The following MYO3B variants were observed in gnomAD, a reference collection of about 807,000 sequenced individuals.
MYO3B encodes myosin-IIIb.
In MYO3B, 156 loss-of-function variants were observed where a neutral mutation model predicts 174.6. That is an observed-to-expected ratio of 0.89 (90% CI 0.78 to 1.02). The LOEUF is 1.02. Ranked by LOEUF, MYO3B falls within the 50% of genes least tolerant of loss-of-function variation. The pLI, the probability that MYO3B is intolerant of heterozygous loss-of-function variation, is 0.00. For missense variants in MYO3B, 1,632 were observed against 1,639.4 expected, an observed-to-expected ratio of 1.00 and a Z score of 0.08; for synonymous variants, 563 against 569.1, an observed-to-expected ratio of 0.99 and a Z score of 0.15.
intron 32 of MYO3B, among the ~76,000 whole-genome samples, chr2:170,634,000 A>T (rs1697250209): frequency 6.6e-6 from 1 of 152,250 alleles, no homozygotes; most frequent in East Asian, 1.9e-4. Context: ...TTCCATGCTC[A>T]TGGATAGGAA....
chr2:170,219,659 A>G (rs186954532), intron 6 of MYO3B, among the ~76,000 whole-genome samples: 21 of 151,896 alleles, frequency 1.4e-4, no homozygotes, highest in Admixed American at 7.2e-4. Context: ...AAAAAAAAAA[A>G]TCTGTTGAAT....
chr2:170,370,693 A>T (rs2094235961), intron 9 of MYO3B, among the ~76,000 whole-genome samples: 1 of 151,488 alleles, frequency 6.6e-6, no homozygotes, highest in Non-Finnish European at 1.5e-5. Flanking sequence ...CACCACCAAA[A>T]ATGAAGACGA....
chr2:170,213,642 C>A (rs566415107), intron 3 of MYO3B, among the ~76,000 whole-genome samples: 26 of 151,550 alleles, frequency 1.7e-4, no homozygotes, highest in African/African-American at 6.3e-4. Context: ...TGTCTCTCTT[C>A]TCTCAGTATA....
chr2:170,634,150 A>T (rs1425535757), intron 32 of MYO3B, among the ~76,000 whole-genome samples: 1 of 152,190 alleles, frequency 6.6e-6, no homozygotes, highest in Non-Finnish European at 1.5e-5. Flanking sequence ...AAAAGAGCCC[A>T]CATTGCCAAG....
At chr2:170,642,520 A>G (rs1237718579) in intron 32 of MYO3B, among the ~76,000 whole-genome samples, 1 of 152,186 alleles carries the variant, frequency 6.6e-6, no homozygotes, top group Non-Finnish European at 1.5e-5. Flanking sequence ...TTGTGTGTGT[A>G]TGTGTTTTAC....
rs1235341557 is a variant in MYO3B, at chr2:170,649,420, AATATATATAATATATTAC to A, written c.3734-2202_3734-2185del. Among the ~76,000 whole-genome samples, 15 of 82,032 alleles carry A rather than the reference AATATATATAATATATTAC, an allele frequency of 1.8e-4. No individual in the cohort carries two copies. In the East Asian group the frequency reaches 5.4e-3, roughly 29 times the overall value. The allele number at this position is 82,032 out of a possible 152,430, so 53.8% of individuals were successfully genotyped here. A position where few individuals can be genotyped will look rare whatever the true frequency, so the allele number is the denominator to read the frequency against. ...ATAAAATATAAAATATTACATATAA[AATATATATAATATATTAC>A]ATATAAAATATATAATATATAATAC... On this transcript the variant is annotated intron_variant, in intron 32 of 34. Transcript: ENST00000408978.
chr2:170,615,838 TA>T (rs1470528276), intron 32 of MYO3B, among the ~76,000 whole-genome samples: 10 of 152,118 alleles, frequency 6.6e-5, no homozygotes, highest in African/African-American at 2.4e-4. Context: ...CGTTTATTAT[TA>T]AGTTTAGTGA....
intron 30 of MYO3B, chr2:170,524,486 TTTG>T (rs1688878516): frequency 4.5e-6 from 2 of 448,604 alleles, no homozygotes; most frequent in Non-Finnish European, 8.9e-6. Flanking sequence ...GCTAAGTGGT[TTTG>T]TTTTTGTTTT....
intron 22 of MYO3B, among the ~76,000 whole-genome samples, chr2:170,437,100 C>T (rs1434989379): frequency 6.6e-6 from 1 of 152,096 alleles, no homozygotes; most frequent in Admixed American, 6.6e-5. Context: ...GACTAGGAAA[C>T]TGAGGCTTTG....
chr2:170,638,107 T>TCA lies in MYO3B; in HGVS notation c.3734-13520_3734-13519insAC, dbSNP rs139110015. The stretch of plus-strand genomic sequence containing the variant: ...CTCTCTCTCCCTCTCTCTCTCTCTC[T>TCA]CTCACACACACACACACCTGCCAGA... On this transcript the variant is annotated intron_variant, in intron 32 of 34. Coordinates refer to ENST00000408978, the MANE Select transcript of MYO3B (RefSeq NM_138995.5). Among the ~76,000 whole-genome samples, 79 of 149,300 alleles carry TCA rather than the reference T, an allele frequency of 5.3e-4. 4 individuals carry two copies. In the South Asian group the frequency reaches 0.015, roughly 28 times the overall value.
rs576155313 is a variant in MYO3B at position 170,542,935 on chromosome 2, G to T, written c.3605G>T (p.Gly1202Val). ...TCACAAGCCCAGAGTTCTCCAAAAG[G>T]GTGCGATATCTTCGCAGGACATGCA... The part of the protein sequence containing the change: ...GHSQAQSSPK[G>V]CDIFAGHANK... The change falls in exon 31 of 35, where the codon GGG (glycine) becomes GTG (valine). Residue 1202 changes from glycine to valine, a missense_variant. By Grantham distance (109) the Gly-to-Val change is moderately radical. Transcript: ENST00000408978. 6.2e-7 allele frequency: 1 copy of T among 1,608,982 alleles called. No individual in the cohort carries two copies. Among genetic ancestry groups the T allele is most frequent in the Admixed American group, 1.7e-5 (1 of 59,664 alleles).
chr2:170,495,666 T>G (rs1441404580), intron 25 of MYO3B, among the ~76,000 whole-genome samples: 3 of 152,152 alleles, frequency 2.0e-5, no homozygotes, highest in African/African-American at 7.2e-5. Flanking sequence ...TCCTCTTATA[T>G]CTTTCAAGGT....
intron 32 of MYO3B, among the ~76,000 whole-genome samples, chr2:170,637,591 G>A (rs1199719780): frequency 6.8e-6 from 1 of 147,790 alleles, no homozygotes; most frequent in African/African-American, 2.5e-5. Context: ...GTCAGGGAGG[G>A]CATGAGAAGT....
intron 32 of MYO3B, among the ~76,000 whole-genome samples, chr2:170,608,636 C>T (rs1694961579): frequency 6.6e-6 from 1 of 151,994 alleles, no homozygotes; most frequent in African/African-American, 2.4e-5. Flanking sequence ...CTCGTGGTCC[C>T]AGTATGCTTC....
chr2:170,505,880 A>T (rs1456224448), intron 28 of MYO3B, among the ~76,000 whole-genome samples: 1 of 152,226 alleles, frequency 6.6e-6, no homozygotes, highest in Non-Finnish European at 1.5e-5. Flanking sequence ...ACGCTAGTTT[A>T]CAGGACATTT....
intron 24 of MYO3B, among the ~76,000 whole-genome samples, chr2:170,464,829 C>T (rs745405454): frequency 6.6e-6 from 1 of 151,994 alleles, no homozygotes; most frequent in Non-Finnish European, 1.5e-5. Context: ...TCTGTTAGTC[C>T]ATTTTATGTT....
At chr2:170,580,507 A>G (rs1051754975) in intron 32 of MYO3B, among the ~76,000 whole-genome samples, 4 of 152,068 alleles carry the variant, frequency 2.6e-5, no homozygotes, top group African/African-American at 9.7e-5. Flanking sequence ...GTGTGGTGGC[A>G]CATGCCTGTA....
At chr2:170,522,255 G>A (rs1039365942) in intron 30 of MYO3B, among the ~76,000 whole-genome samples, 1 of 152,046 alleles carries the variant, frequency 6.6e-6, no homozygotes, top group Non-Finnish European at 1.5e-5. Context: ...ACTCACAGTG[G>A]ACATATATTC....
intron 32 of MYO3B, among the ~76,000 whole-genome samples, chr2:170,644,885 A>AT (rs1698246526): frequency 6.6e-6 from 1 of 152,220 alleles, no homozygotes; most frequent in African/African-American, 2.4e-5. Context: ...ATAAAGTTCT[A>AT]TAACAATTCA....
Sources: allele counts gnomAD v4.1 joint callset (sites outside exome capture counted in the v4.1 genomes callset), GRCh38; gene constraint gnomAD v4.1.1; transcripts MANE v1.5; gene names NCBI Gene and HGNC (gene_info 2026-07-23, HGNC 2026-07-21).